Variants in SLC1A7 observed in about 807,000 individuals in gnomAD.
The protein encoded by SLC1A7 is solute carrier family 1 member 7, also known as excitatory amino acid transporter 5.
Under a neutral mutation model 47.7 loss-of-function variants are expected in SLC1A7, and 40 were observed. The ratio of observed to expected loss-of-function variants is 0.84; its 90% CI spans 0.65 to 1.09. SLC1A7 has a LOEUF of 1.09. Among genes scored for constraint, SLC1A7 ranks in the 50% least tolerant of loss-of-function variants. The pLI is 0.00. For missense variants in SLC1A7, 746 were observed against 769.5 expected, an observed-to-expected ratio of 0.97 and a Z score of 0.36; for synonymous variants, 323 against 325.6, an observed-to-expected ratio of 0.99 and a Z score of 0.09.
At chr1:53,120,791 G>A (rs1243027370) in intron 2 of SLC1A7, among the ~76,000 whole-genome samples, 1 of 152,222 alleles carries the variant, frequency 6.6e-6, no homozygotes, top group Non-Finnish European at 1.5e-5. Context: ...ACGGAGTGCC[G>A]GGAGCCCAGT....
chr1:53,140,576 T>A (rs1367382155), intron 1 of SLC1A7, among the ~76,000 whole-genome samples: 1 of 152,202 alleles, frequency 6.6e-6, no homozygotes, highest in Non-Finnish European at 1.5e-5. Context: ...GGGTTACAGT[T>A]ACTTTCATCA....
chr1:53,089,749 C>G (rs1410516001), intron 9 of SLC1A7, 51 bp downstream of exon 9: 1 of 1,597,526 alleles, frequency 6.3e-7, no homozygotes, highest in Non-Finnish European at 8.6e-7. Context: ...CCTGCTGACC[C>G]TGAAGTCAGC....
intron 9 of SLC1A7, 75 bp from the exon 10 acceptor site, chr1:53,089,054 C>T (rs1644391312): frequency 4.3e-6 from 5 of 1,173,320 alleles, no homozygotes; most frequent in Admixed American, 1.7e-5. Context: ...CAACCCAGCA[C>T]AGTACAGCAC....
chr1:53,090,557 T>TCCCCAAGG, intron 8 of SLC1A7, 55 bp downstream of exon 8: 1 of 1,481,104 alleles, frequency 6.8e-7, no homozygotes, highest in Non-Finnish European at 9.0e-7. Context: ...AGCCTGGGAA[T>TCCCCAAGG]CCCCAAGGCC....
At chr1:53,134,194 C>T (rs551079773) in intron 2 of SLC1A7, among the ~76,000 whole-genome samples, 156 bp downstream of exon 2, 9 of 152,278 alleles carry the variant, frequency 5.9e-5, no homozygotes, top group South Asian at 2.1e-4. Flanking sequence ...ACTCAGAAGC[C>T]GGCAGCCCAC....
intron 2 of SLC1A7, among the ~76,000 whole-genome samples, chr1:53,125,357 A>G (rs981239098): frequency 6.6e-6 from 1 of 152,170 alleles, no homozygotes; most frequent in African/African-American, 2.4e-5. Context: ...CTGTCAGGGG[A>G]AGGGAGGAGC....
chr1:53,114,956 G>A lies in SLC1A7; in HGVS notation c.233C>T (p.Ala78Val), dbSNP rs1248716428. 1 of 1,613,888 alleles carries A rather than the reference G, an allele frequency of 6.2e-7. No individual in the cohort carries two copies. The highest frequency in any genetic ancestry group is 8.5e-7 in the Non-Finnish European group (1 of 1,180,000). Residue 78 changes from alanine (A) to valine (V), a missense_variant, in exon 3 of 11, where the codon GCC becomes GTC. Transcript: ENST00000371494. ...GCTAGAGGTCTTGGCATCCAGGGAG[G>A]CAAGTCCGGACATCAAGCTGGGAGG... The part of the protein sequence containing the change: ...LVVSSLMSGL[A>V]SLDAKTSSRL...
rs189968903 is a variant in SLC1A7 at position 53,087,775 on chromosome 1, C to T, written c.*234G>A. The T allele has an allele frequency of 1.6e-4, 58 of 360,858 alleles. No homozygotes were observed. The highest frequency in any genetic ancestry group is 1.1e-3 in the African/African-American group (54 of 48,214). The allele number at this position is 360,858 out of a possible 1,614,324, so 22.4% of individuals were successfully genotyped here. A position where few individuals can be genotyped will look rare whatever the true frequency, so the allele number is the denominator to read the frequency against. ...CGGGCTCACACCGGGGAAACTGTCACAGCGGGGCCTCAGGCAATGCCGGGC... is the reference window on the plus strand; with the variant it reads ...CGGGCTCACACCGGGGAAACTGTCATAGCGGGGCCTCAGGCAATGCCGGGC... On this transcript the variant is annotated 3_prime_UTR_variant, in exon 11 of 11. Transcript: ENST00000371494.
chr1:53,118,992 C>T (rs548173932), intron 2 of SLC1A7, among the ~76,000 whole-genome samples: 3 of 151,782 alleles, frequency 2.0e-5, no homozygotes, highest in Non-Finnish European at 2.9e-5. Context: ...AGTGAAACTC[C>T]GTTTCAAAAA....
intron 5 of SLC1A7, among the ~76,000 whole-genome samples, chr1:53,097,027 C>T (rs751257093): frequency 3.3e-5 from 5 of 150,256 alleles, no homozygotes; most frequent in Admixed American, 3.3e-4. Flanking sequence ...CTCACACACA[C>T]TGTCTTGGTG....
At chr1:53,099,777 TAC>T (rs766398646) in intron 5 of SLC1A7, among the ~76,000 whole-genome samples, 12 of 135,476 alleles carry the variant, frequency 8.9e-5, no homozygotes, top group Admixed American at 4.4e-4. Context: ...CCTGTCTCAG[TAC>T]ACACACACAC....
chr1:53,112,201 C>T (rs1322205191), intron 3 of SLC1A7, among the ~76,000 whole-genome samples: 2 of 152,196 alleles, frequency 1.3e-5, no homozygotes, highest in Non-Finnish European at 2.9e-5. Context: ...TGCTCCTCTA[C>T]CTTTGTTATT....
At chr1:53,141,205 T>A (rs1645053310) in intron 1 of SLC1A7, among the ~76,000 whole-genome samples, 1 of 152,136 alleles carries the variant, frequency 6.6e-6, no homozygotes, top group Non-Finnish European at 1.5e-5. Context: ...CCCTCCAGCA[T>A]CCTGATACTG....
chr1:53,103,702 G>A (rs1048224711), intron 4 of SLC1A7, 134 bp from the exon 5 acceptor site: 3 of 572,934 alleles, frequency 5.2e-6, no homozygotes, highest in Non-Finnish European at 9.0e-6. Context: ...AACCCTGTGA[G>A]GCAGGCAGAG....
At chr1:53,113,747 A>G (rs1458031521) in intron 3 of SLC1A7, among the ~76,000 whole-genome samples, 1 of 152,024 alleles carries the variant, frequency 6.6e-6, no homozygotes, top group Non-Finnish European at 1.5e-5. Flanking sequence ...GATGCAACTT[A>G]GCTTTTGGCC....
At chr1:53,135,408 TCTC>T (rs1644982026) in intron 1 of SLC1A7, among the ~76,000 whole-genome samples, 1 of 152,152 alleles carries the variant, frequency 6.6e-6, no homozygotes, top group African/African-American at 2.4e-5. Context: ...CTCTAGTGCT[TCTC>T]CTCGAAAATG....
At chr1:53,091,011 T>G in intron 7 of SLC1A7, 1 of 1,437,050 alleles carries the variant, frequency 7.0e-7, no homozygotes, top group Non-Finnish European at 9.2e-7. Flanking sequence ...GGGTGCATTT[T>G]ACAGATGAGG....
At chr1:53,108,896 C>G (rs1220188033) in intron 3 of SLC1A7, among the ~76,000 whole-genome samples, 3 of 152,198 alleles carry the variant, frequency 2.0e-5, no homozygotes, top group African/African-American at 7.2e-5. Context: ...TGAATTTATC[C>G]TGCAGATTTT....
chr1:53,106,386 G>C (rs1288424), intron 3 of SLC1A7, among the ~76,000 whole-genome samples: 103,326 of 151,072 alleles, frequency 0.68, 38,080 homozygotes, highest in Non-Finnish European at 0.82. Context: ...GGGAGGCCAA[G>C]GCGGGCGGAT....
Sources: allele counts gnomAD v4.1 joint callset (sites outside exome capture counted in the v4.1 genomes callset), GRCh38; gene constraint gnomAD v4.1.1; transcripts MANE v1.5; gene names NCBI Gene and HGNC (gene_info 2026-07-23, HGNC 2026-07-21).